The following KCNN2 variants were observed in gnomAD, a reference collection of about 807,000 sequenced individuals.
The protein encoded by KCNN2 is potassium calcium-activated channel subfamily N member 2, also known as small conductance calcium-activated potassium channel protein 2.
A neutral mutation model predicts 55.5 loss-of-function variants in KCNN2; 24 were observed. The ratio of observed to expected loss-of-function variants is 0.43; its 90% CI spans 0.31 to 0.61. The LOEUF (loss-of-function observed/expected upper bound fraction) is 0.61. KCNN2 is among the 20% of genes least tolerant of loss of function. The pLI is 0.08. For missense variants in KCNN2, 754 were observed against 853.6 expected, an observed-to-expected ratio of 0.88 and a Z score of 1.45; for synonymous variants, 431 against 336.1, an observed-to-expected ratio of 1.28 and a Z score of -3.09.
intron 1 of KCNN2, among the ~76,000 whole-genome samples, chr5:114,074,999 A>G (rs1042217197): frequency 9.2e-5 from 14 of 152,224 alleles, no homozygotes; most frequent in African/African-American, 3.1e-4. Flanking sequence ...AGGCAGGTTC[A>G]TTCCCTTCTT....
intron 1 of KCNN2, among the ~76,000 whole-genome samples, chr5:114,079,584 G>T (rs567186128): frequency 1.3e-5 from 2 of 152,218 alleles, no homozygotes; most frequent in East Asian, 3.9e-4. Flanking sequence ...CTAGTGTATA[G>T]GGTCATTCAG....
intron 1 of KCNN2, among the ~76,000 whole-genome samples, chr5:114,108,755 G>GT (rs1751537402): frequency 6.6e-6 from 1 of 152,118 alleles, no homozygotes; most frequent in East Asian, 1.9e-4. Context: ...GACAACATTT[G>GT]TTTATCAATT....
intron 3 of KCNN2, among the ~76,000 whole-genome samples, chr5:114,420,326 G>T (rs568898604): frequency 6.6e-6 from 1 of 152,330 alleles, no homozygotes; most frequent in Admixed American, 6.5e-5. Context: ...GTAGCTCCAG[G>T]CTAGTTATTC....
At chr5:114,284,705 A>G (rs1381428580) in intron 2 of KCNN2, among the ~76,000 whole-genome samples, 1 of 151,824 alleles carries the variant, frequency 6.6e-6, no homozygotes, top group African/African-American at 2.4e-5. Context: ...TTTTTAGTAG[A>G]GACGGGGTTT....
chr5:114,256,840 T>C (rs1754992526), intron 2 of KCNN2, among the ~76,000 whole-genome samples: 2 of 152,174 alleles, frequency 1.3e-5, no homozygotes, highest in South Asian at 4.1e-4. Context: ...TTATTATTTC[T>C]TTTGCTGTGC....
At chr5:114,186,819 A>G (rs1349978438) in intron 1 of KCNN2, among the ~76,000 whole-genome samples, 1 of 152,184 alleles carries the variant, frequency 6.6e-6, no homozygotes, top group African/African-American at 2.4e-5. Context: ...AAGATGTTAA[A>G]TACCCTTCAA....
chr5:114,145,154 G>A (rs1437093904), intron 1 of KCNN2, among the ~76,000 whole-genome samples: 1 of 152,148 alleles, frequency 6.6e-6, no homozygotes, highest in East Asian at 1.9e-4. Context: ...AAGGAAAAAA[G>A]GAGTTAAATC....
intron 1 of KCNN2, among the ~76,000 whole-genome samples, chr5:114,073,045 G>A (rs1472498196): frequency 2.0e-5 from 3 of 152,144 alleles, no homozygotes; most frequent in Admixed American, 6.5e-5. Flanking sequence ...AACTTTTGTT[G>A]TAGTTTATAT....
At chr5:114,089,204 A>C (rs188582183) in intron 1 of KCNN2, among the ~76,000 whole-genome samples, 8 of 152,292 alleles carry the variant, frequency 5.3e-5, no homozygotes, top group African/African-American at 1.9e-4. Flanking sequence ...TCTTCCTTTA[A>C]AAATAGTTGA....
intron 1 of KCNN2, among the ~76,000 whole-genome samples, chr5:114,155,340 A>T (rs4416597): frequency 0.81 from 122,612 of 152,124 alleles, 50,768 homozygotes; most frequent in East Asian, 0.95. Context: ...ACAGTGCTGC[A>T]GTGAACATAC....
chr5:114,056,210 C>A (rs926369082), exon 1 of KCNN2: 1 of 395,142 alleles, frequency 2.5e-6, no homozygotes, highest in African/African-American at 2.1e-5. Flanking sequence ...CTCGCCCGCG[C>A]CCGCGCCCCG....
chr5:114,064,002 G>T (rs1380212422), intron 1 of KCNN2, among the ~76,000 whole-genome samples: 1 of 152,124 alleles, frequency 6.6e-6, no homozygotes, highest in Non-Finnish European at 1.5e-5. Flanking sequence ...CACAACTTAT[G>T]GTGGATCAGG....
chr5:114,416,006 G>T (rs1273066494), intron 3 of KCNN2, among the ~76,000 whole-genome samples: 1 of 152,094 alleles, frequency 6.6e-6, no homozygotes, highest in African/African-American at 2.4e-5. Flanking sequence ...TGCTTCACAT[G>T]CCTCTTCTTG....
intron 5 of KCNN2, chr5:114,486,804 G>A (rs947259952): frequency 7.4e-7 from 1 of 1,346,964 alleles, no homozygotes; most frequent in Non-Finnish European, 9.8e-7. Flanking sequence ...TCCTGAAGGA[G>A]TAAGATAGAA....
chr5:114,373,129 T>C (rs1757812042), intron 2 of KCNN2, among the ~76,000 whole-genome samples: 2 of 152,112 alleles, frequency 1.3e-5, no homozygotes, highest in South Asian at 2.1e-4. Context: ...AAATGTGGTT[T>C]ATTGAACTAT....
intron 2 of KCNN2, among the ~76,000 whole-genome samples, chr5:114,364,832 G>A (rs1162408217): frequency 1.3e-5 from 2 of 151,596 alleles, no homozygotes; most frequent in Non-Finnish European, 2.9e-5. Flanking sequence ...TGCACTGTGT[G>A]GGAGGCGCGG....
chr5:114,440,561 A>C (rs905965321), intron 3 of KCNN2, among the ~76,000 whole-genome samples: 2 of 151,918 alleles, frequency 1.3e-5, no homozygotes, highest in African/African-American at 4.8e-5. Flanking sequence ...ACAACACCAA[A>C]AATGAGTACT....
At chr5:114,348,549 C>T (rs1358892929) in intron 2 of KCNN2, among the ~76,000 whole-genome samples, 1 of 152,112 alleles carries the variant, frequency 6.6e-6, no homozygotes. Context: ...ACAAAATATA[C>T]TTGATCTGGT....
chr5:114,242,387 A>C (rs1343080764), intron 2 of KCNN2, among the ~76,000 whole-genome samples: 1 of 152,214 alleles, frequency 6.6e-6, no homozygotes, highest in African/African-American at 2.4e-5. Context: ...ATGAGTTTGC[A>C]TAGTTTTGAC....
Sources: gnomAD v4.1 joint callset for allele counts (sites outside exome capture counted in the v4.1 genomes callset) on GRCh38, gnomAD v4.1.1 for gene constraint, MANE v1.5 for transcripts, NCBI Gene and HGNC (gene_info 2026-07-23, HGNC 2026-07-21) for gene names.